The following TBC1D9 variants were observed in gnomAD, a reference collection of about 807,000 sequenced individuals.
TBC1D9 encodes TBC1 domain family member 9, also known as TBC1 domain family member 9A.
Under a neutral mutation model 132.0 loss-of-function variants are expected in TBC1D9, and 63 were observed. That is an observed-to-expected ratio of 0.48 (90% CI 0.39 to 0.59). The LOEUF is 0.59. Ranked by LOEUF, TBC1D9 falls within the 20% of genes least tolerant of loss-of-function variation. The pLI is 0.00. For synonymous variants in TBC1D9, 610 were observed against 609.9 expected, an observed-to-expected ratio of 1.00 and a Z score of 0.00; for missense variants, 1,261 against 1,592.7, an observed-to-expected ratio of 0.79 and a Z score of 3.54.
chr4:140,748,107 C>T (rs975653510), intron 1 of TBC1D9, among the ~76,000 whole-genome samples: 3 of 151,772 alleles, frequency 2.0e-5, no homozygotes, highest in Non-Finnish European at 2.9e-5. Flanking sequence ...TAAAAGAGCT[C>T]GAGATATTTA....
intron 10 of TBC1D9, 37 bp from the exon 11 acceptor site, chr4:140,659,742 G>A: frequency 7.3e-7 from 1 of 1,368,292 alleles, no homozygotes; most frequent in Middle Eastern, 1.8e-4. Context: ...AAATACAGTT[G>A]AAAATATAAG....
chr4:140,669,606 G>C (rs780144795), intron 8 of TBC1D9, 28 bp downstream of exon 8: 1 of 1,589,716 alleles, frequency 6.3e-7, no homozygotes, highest in South Asian at 1.1e-5. Context: ...AATCTACAAA[G>C]TTTCAGGGAA....
At chr4:140,660,481 A>G (rs187145173) in intron 10 of TBC1D9, among the ~76,000 whole-genome samples, 146 of 152,342 alleles carry the variant, frequency 9.6e-4, no homozygotes, top group African/African-American at 3.4e-3. Flanking sequence ...TTGGTTTAAT[A>G]GGCTCTTTCT....
At chr4:140,695,280 TG>T (rs1737935733) in intron 2 of TBC1D9, among the ~76,000 whole-genome samples, 1 of 152,230 alleles carries the variant, frequency 6.6e-6, no homozygotes, top group African/African-American at 2.4e-5. Context: ...ACCTTGCTTC[TG>T]CATCCTACTA....
chr4:140,739,604 C>T (rs770373255), intron 1 of TBC1D9, among the ~76,000 whole-genome samples: 8 of 152,100 alleles, frequency 5.3e-5, no homozygotes, highest in South Asian at 2.1e-4. Flanking sequence ...CACAGATTTT[C>T]GGCAAATTTT....
chr4:140,666,627 C>A (rs28361993), intron 9 of TBC1D9, among the ~76,000 whole-genome samples: 9,537 of 151,952 alleles, frequency 0.063, 456 homozygotes, highest in African/African-American at 0.13. Context: ...CGTGAGCCAC[C>A]GCGCCCAGCC....
chr4:140,674,003 G>A (rs1737584715), intron 6 of TBC1D9, among the ~76,000 whole-genome samples: 1 of 152,206 alleles, frequency 6.6e-6, no homozygotes, highest in South Asian at 2.1e-4. Flanking sequence ...AACTGAGAGT[G>A]ATGATTCATT....
intron 5 of TBC1D9, 34 bp downstream of exon 5, chr4:140,678,908 A>G (rs1410436048): frequency 6.2e-7 from 1 of 1,600,540 alleles, no homozygotes; most frequent in Admixed American, 1.7e-5. Flanking sequence ...TCTCATTTCT[A>G]AAGTCTGGAA....
Position 140,650,042 on chromosome 4 carries a change from A to G in TBC1D9, c.2337+7055T>C, listed in dbSNP as rs567459718. ...TTTTGTCTACCAGAAAGGGCTAGAGAAACAGTTGTCACATAAATATGGAAA... is the reference window on the plus strand; with the variant it reads ...TTTTGTCTACCAGAAAGGGCTAGAGGAACAGTTGTCACATAAATATGGAAA... On this transcript the variant is annotated intron_variant, in intron 13 of 20. Coordinates refer to ENST00000442267, the MANE Select transcript of TBC1D9 (RefSeq NM_015130.3). Among the ~76,000 whole-genome samples the G allele has an allele frequency of 4.8e-4, 73 of 152,364 alleles. 2 individuals are homozygous for G. In the South Asian group the frequency reaches 0.014, roughly 30 times the overall value.
At chr4:140,685,611 G>C (rs1737767013) in intron 3 of TBC1D9, among the ~76,000 whole-genome samples, 1 of 152,108 alleles carries the variant, frequency 6.6e-6, no homozygotes, top group South Asian at 2.1e-4. Flanking sequence ...GGTGGGGAAG[G>C]CTATAAAGGG....
At chr4:140,670,956 ATT>A (rs777429265) in intron 6 of TBC1D9, 30 bp from the exon 7 acceptor site, 10 of 1,602,708 alleles carry the variant, frequency 6.2e-6, no homozygotes. Flanking sequence ...AAAGAGCATT[ATT>A]TTCCAAGAAT....
chr4:140,661,584 T>C (rs1039674093), intron 10 of TBC1D9, among the ~76,000 whole-genome samples: 3 of 152,166 alleles, frequency 2.0e-5, no homozygotes, highest in Admixed American at 6.5e-5. Context: ...AGTGCAGTGG[T>C]TCTCAACCCA....
At chr4:140,750,250 T>C (rs1261264882) in intron 1 of TBC1D9, among the ~76,000 whole-genome samples, 1 of 151,968 alleles carries the variant, frequency 6.6e-6, no homozygotes, top group Non-Finnish European at 1.5e-5. Context: ...GATAAGAGTA[T>C]GTACAATTGC....
Position 140,679,689 on chromosome 4 carries a change from T to C in TBC1D9, c.515A>G (p.Lys172Arg), listed in dbSNP as rs777165729. The C allele has an allele frequency of 2.5e-6, 4 of 1,613,868 alleles. No individual in the cohort carries two copies. Among genetic ancestry groups the C allele is most frequent in the Middle Eastern group, 1.6e-4 (1 of 6,062 alleles). Residue 172 changes from lysine (K) to arginine (R), a missense_variant, in exon 4 of 21, where the codon AAG becomes AGG. Physicochemically the swap from Lys to Arg is conservative, Grantham distance 26. Around this residue, in one of 3 missense-constraint regions of TBC1D9, gnomAD observed 550 missense variants for 699.0 expected, o/e 0.79. Coordinates refer to ENST00000442267, the MANE Select transcript of TBC1D9 (RefSeq NM_015130.3). ...GTACATCCAACCCTGACGGGGGACC[T>C]TCCCCTTCCAATAGCTGCAAGAGTA... ...NYYSCSYWKGKVPRQGWMYLS... is the reference protein window; with the variant it reads ...NYYSCSYWKGRVPRQGWMYLS...
chr4:140,726,268 G>T (rs935131680), intron 1 of TBC1D9, among the ~76,000 whole-genome samples: 1 of 151,864 alleles, frequency 6.6e-6, no homozygotes, highest in African/African-American at 2.4e-5. Flanking sequence ...CACCCTGGGC[G>T]ACGGAATGAG....
intron 7 of TBC1D9, among the ~76,000 whole-genome samples, chr4:140,670,058 C>T (rs1737511837): frequency 6.6e-6 from 1 of 152,176 alleles, no homozygotes; most frequent in African/African-American, 2.4e-5. Context: ...ATATTTGCAA[C>T]AAAGTGCTTG....
At chr4:140,665,332 A>T (rs554136869) in intron 9 of TBC1D9, among the ~76,000 whole-genome samples, 2 of 152,296 alleles carry the variant, frequency 1.3e-5, no homozygotes, top group Non-Finnish European at 2.9e-5. Context: ...GAGCATTTTT[A>T]GGAAAAATCT....
chr4:140,724,947 C>T (rs1738475447), intron 1 of TBC1D9, among the ~76,000 whole-genome samples: 1 of 152,174 alleles, frequency 6.6e-6, no homozygotes, highest in African/African-American at 2.4e-5. Context: ...ACATTCCTCA[C>T]ACATGGTTTG....
At chr4:140,629,630 A>G (rs1736760972) in intron 16 of TBC1D9, among the ~76,000 whole-genome samples, 1 of 152,140 alleles carries the variant, frequency 6.6e-6, no homozygotes, top group African/African-American at 2.4e-5. Context: ...ATTATTATCC[A>G]CATCTACCTT....
Sources: gnomAD v4.1 joint callset for allele counts (sites outside exome capture counted in the v4.1 genomes callset) on GRCh38, gnomAD v4.1.1 for gene constraint, gnomAD v4.1.1 regional missense constraint, MANE v1.5 for transcripts, NCBI Gene and HGNC (gene_info 2026-07-23, HGNC 2026-07-21) for gene names.